PRKCE: variants seen among roughly 807,000 people sequenced by gnomAD.
PRKCE encodes the protein protein kinase C epsilon, also known as protein kinase C epsilon type.
PRKCE carries 16 observed loss-of-function variants against 85.4 expected under a neutral mutation model. The ratio of observed to expected loss-of-function variants is 0.19; its 90% CI spans 0.13 to 0.28. The LOEUF (loss-of-function observed/expected upper bound fraction) is 0.28, where lower values mean the gene tolerates loss of function less well. PRKCE is among the 10% of genes least tolerant of loss of function. The pLI, the probability that PRKCE is intolerant of heterozygous loss-of-function variation, is 1.00. For synonymous variants in PRKCE, 388 were observed against 371.5 expected, an observed-to-expected ratio of 1.04 and a Z score of -0.51; for missense variants, 573 against 975.2, an observed-to-expected ratio of 0.59 and a Z score of 5.49.
intron 14 of PRKCE, among the ~76,000 whole-genome samples, chr2:46,176,050 G>A (rs912569474): frequency 6.6e-6 from 1 of 151,982 alleles, no homozygotes; most frequent in Non-Finnish European, 1.5e-5. Flanking sequence ...GGCTGTGTTT[G>A]GTTTTTATGC....
At position 45,843,135 on chromosome 2, in the gene PRKCE, C is replaced by T. The variant is rs147829558; in HGVS notation, c.412+72C>T. 4.9e-5 allele frequency: 66 copies of T among 1,350,868 alleles called. No homozygotes were observed. The African/African-American group carries it at 8.7e-4, about 18-fold the overall frequency. The allele number at this position is 1,350,868 out of a possible 1,614,324, so 83.7% of individuals were successfully genotyped here. On this transcript the variant is annotated intron_variant, in intron 2 of 14. Transcript: ENST00000306156. Reference sequence around the variant, plus strand: ...TGCCTTCTGGGTCTCTTCTTTCCCCCCCTTGGCCGGAACACATTATAGTGA... The same window carrying T: ...TGCCTTCTGGGTCTCTTCTTTCCCCTCCTTGGCCGGAACACATTATAGTGA...
intron 13 of PRKCE, among the ~76,000 whole-genome samples, chr2:46,152,745 C>T (rs1358470202): frequency 6.6e-6 from 1 of 151,966 alleles, no homozygotes; most frequent in African/African-American, 2.4e-5. Context: ...GATGGGGTTT[C>T]GCCATGTTGG....
intron 1 of PRKCE, among the ~76,000 whole-genome samples, chr2:45,723,297 G>T (rs1680776485): frequency 6.6e-6 from 1 of 152,150 alleles, no homozygotes; most frequent in Non-Finnish European, 1.5e-5. Flanking sequence ...GGGAGGAGGA[G>T]AGGCCCCTAT....
At chr2:46,078,813 C>A (rs541846095) in intron 10 of PRKCE, 6 of 152,358 alleles carry the variant, frequency 3.9e-5, no homozygotes, top group African/African-American at 1.4e-4. Flanking sequence ...GTCTTTGCCC[C>A]AGTTCAGCTT....
intron 2 of PRKCE, among the ~76,000 whole-genome samples, chr2:45,863,241 A>G (rs1177314841): frequency 3.3e-5 from 5 of 152,164 alleles, no homozygotes. Context: ...TTGACTCTTC[A>G]GGAAAATGGA....
At chr2:45,910,234 T>G (rs1470462087) in intron 2 of PRKCE, among the ~76,000 whole-genome samples, 1 of 152,204 alleles carries the variant, frequency 6.6e-6, no homozygotes, top group Non-Finnish European at 1.5e-5. Flanking sequence ...TCACCTTAAG[T>G]GTCTCTGAAG....
intron 2 of PRKCE, among the ~76,000 whole-genome samples, chr2:45,891,631 T>A (rs576553932): frequency 2.2e-4 from 34 of 152,304 alleles, no homozygotes; most frequent in Admixed American, 1.1e-3. Flanking sequence ...GTAGAAGACC[T>A]GGGGCTCTGC....
At chr2:46,160,204 G>A in intron 14 of PRKCE, 1 of 168,618 alleles carries the variant, frequency 5.9e-6, no homozygotes, top group Non-Finnish European at 1.3e-5. Flanking sequence ...TCACTGACTG[G>A]CAGCAGGAAG....
At chr2:46,074,874 A>T (rs541233593) in intron 10 of PRKCE, among the ~76,000 whole-genome samples, 1 of 152,272 alleles carries the variant, frequency 6.6e-6, no homozygotes, top group Admixed American at 6.5e-5. Context: ...GAAGGTGTAA[A>T]TGTGGGAAAC....
chr2:46,060,811 T>A (rs1237360699), intron 10 of PRKCE, among the ~76,000 whole-genome samples: 1 of 151,562 alleles, frequency 6.6e-6, no homozygotes, highest in African/African-American at 2.4e-5. Flanking sequence ...ACCCAGGCTG[T>A]AGTGCAGTGG....
At chr2:45,729,152 A>G (rs1012360919) in intron 1 of PRKCE, among the ~76,000 whole-genome samples, 1 of 152,240 alleles carries the variant, frequency 6.6e-6, no homozygotes, top group African/African-American at 2.4e-5. Flanking sequence ...TCAATGGAAC[A>G]GAGGCATTGT....
chr2:45,986,290 T>C (rs915762858), intron 6 of PRKCE, among the ~76,000 whole-genome samples: 6 of 152,228 alleles, frequency 3.9e-5, no homozygotes, highest in Non-Finnish European at 8.8e-5. Flanking sequence ...GCCCAAGTGC[T>C]GTAGGCTAAA....
Position 45,786,660 on chromosome 2 carries a change from G to T in PRKCE, c.349-56340G>T, listed in dbSNP as rs1183189152. Among the ~76,000 whole-genome samples, 1 of 152,150 alleles carries T rather than the reference G, an allele frequency of 6.6e-6. No individual in the cohort carries two copies. Among genetic ancestry groups the T allele is most frequent in the East Asian group, 1.9e-4 (1 of 5,184 alleles). ...GAGATTCAGGGGTGGGAGTGAGGGG[G>T]CAAGGGTTTAAGTTTATTATCAAGG... On this transcript the variant is annotated intron_variant, in intron 1 of 14. Coordinates refer to ENST00000306156, the MANE Select transcript of PRKCE (RefSeq NM_005400.3). This position sits in a 1 kb window ranked among gnomAD's most constrained non-coding sequence, Gnocchi z 5.3.
At chr2:45,682,887 C>G (rs1229154363) in intron 1 of PRKCE, among the ~76,000 whole-genome samples, 2 of 152,176 alleles carry the variant, frequency 1.3e-5, no homozygotes, top group African/African-American at 2.4e-5. Flanking sequence ...TTCTAGTTTT[C>G]TGCCACGGTA....
intron 1 of PRKCE, among the ~76,000 whole-genome samples, chr2:45,677,624 G>A: frequency 6.6e-6 from 1 of 152,200 alleles, no homozygotes. Flanking sequence ...CCAAAGCAGT[G>A]AAGGTTTTTT....
At chr2:46,081,604 T>C (rs982678875) in intron 10 of PRKCE, among the ~76,000 whole-genome samples, 1 of 152,072 alleles carries the variant, frequency 6.6e-6, no homozygotes, top group Admixed American at 6.5e-5. Context: ...GGAGAAAAGA[T>C]GGTTGTGCTG....
intron 1 of PRKCE, among the ~76,000 whole-genome samples, chr2:45,780,694 C>T (rs1686112194): frequency 6.6e-6 from 1 of 152,196 alleles, no homozygotes; most frequent in Non-Finnish European, 1.5e-5. Context: ...TCAGAGCCTT[C>T]CATGGGTGGC....
Position 46,125,292 on chromosome 2 carries a change from G to T in PRKCE, c.1593-19801G>T, listed in dbSNP as rs78800087. ...AAAATAGGCGTCATCCCCGGTATGT[G>T]GTTGACAAGGAGGACTGTTTGGTTG... On this transcript the variant is annotated intron_variant, in intron 11 of 14. Coordinates refer to ENST00000306156, the MANE Select transcript of PRKCE (RefSeq NM_005400.3). Among the ~76,000 whole-genome samples the T allele has an allele frequency of 1.3e-3, 197 of 152,282 alleles. 2 individuals carry two copies. Among genetic ancestry groups the T allele is most frequent in the African/African-American group, 4.5e-3 (187 of 41,552 alleles).
chr2:45,708,556 C>G (rs1473249873), intron 1 of PRKCE, among the ~76,000 whole-genome samples: 2 of 152,220 alleles, frequency 1.3e-5, no homozygotes, highest in African/African-American at 2.4e-5. Flanking sequence ...ATGTGACTTG[C>G]TCCTCCTTGC....
Sources: gnomAD v4.1 joint callset for allele counts (sites outside exome capture counted in the v4.1 genomes callset) on GRCh38, gnomAD v4.1.1 for gene constraint, Gnocchi (gnomAD v3.1) non-coding constraint, MANE v1.5 for transcripts, NCBI Gene and HGNC (gene_info 2026-07-23, HGNC 2026-07-21) for gene names.